Variants in NPC1 observed in about 807,000 individuals in gnomAD.
NPC1 encodes the protein NPC intracellular cholesterol transporter 1.
A neutral mutation model predicts 140.4 loss-of-function variants in NPC1; 85 were observed. That is an observed-to-expected ratio of 0.61 (90% CI 0.51 to 0.72). The LOEUF (loss-of-function observed/expected upper bound fraction) is 0.72. NPC1 is among the 30% of genes least tolerant of loss of function. The pLI is 0.00. For missense variants in NPC1, 1,504 were observed against 1,623.8 expected, an observed-to-expected ratio of 0.93 and a Z score of 1.27; for synonymous variants, 656 against 624.8, an observed-to-expected ratio of 1.05 and a Z score of -0.74.
Position 23,533,475 on chromosome 18 carries a change from C to A in NPC1, c.3634G>T (p.Val1212Leu), listed in dbSNP as rs753419933. The A allele has an allele frequency of 6.2e-7, 1 of 1,614,222 alleles. No individual in the cohort carries two copies. Among genetic ancestry groups the A allele is most frequent in the East Asian group, 2.2e-5 (1 of 44,888 alleles). The change falls in exon 24 of 25, where the codon GTG becomes TTG. Residue 1212 changes from valine to leucine, a missense_variant. By Grantham distance (32) the Val-to-Leu change is conservative. Coordinates refer to ENST00000269228, the MANE Select transcript of NPC1 (RefSeq NM_000271.5). ...ITLTKFGGIV[V>L]LAFAKSQIFQ... ...ATTTGAGATTTGGCAAAAGCCAACACCACAATCCCTCCAAATTTTGTAAGT... is the reference window on the plus strand; with the variant it reads ...ATTTGAGATTTGGCAAAAGCCAACAACACAATCCCTCCAAATTTTGTAAGT...
intron 4 of NPC1, among the ~76,000 whole-genome samples, chr18:23,565,388 G>A (rs1036452244): frequency 1.3e-5 from 2 of 151,944 alleles, no homozygotes; most frequent in African/African-American, 2.4e-5. Context: ...ATGGAGTCTC[G>A]CTCTGTCAGC....
chr18:23,542,080 T>G (rs1159742424), intron 14 of NPC1, among the ~76,000 whole-genome samples: 4 of 152,140 alleles, frequency 2.6e-5, no homozygotes, highest in South Asian at 2.1e-4. Flanking sequence ...TAGCACTGGG[T>G]TGGCCACACA....
At chr18:23,540,029 G>C (rs762709628) in intron 17 of NPC1, 28 bp from the exon 18 acceptor site, 27 of 1,580,230 alleles carry the variant, frequency 1.7e-5, no homozygotes, top group Non-Finnish European at 2.3e-5. Flanking sequence ...GAATAGGAGA[G>C]AGTGTGAACA....
At chr18:23,534,592 C>T in intron 22 of NPC1, 33 bp from the exon 23 acceptor site, 1 of 1,563,362 alleles carries the variant, frequency 6.4e-7, no homozygotes, top group Non-Finnish European at 8.8e-7. Context: ...GGATGGCTCT[C>T]TTCCTGTTGA....
rs756185917 is a variant in NPC1, at chr18:23,531,632, CTG to C, written c.*568_*569del. ...AAATCTCTTCCTTTCTAGGGGAACA[CTG>C]TGAAGAACATGTTGCTTTTTTCAAA... On this transcript the variant is annotated 3_prime_UTR_variant, in exon 25 of 25. Transcript: ENST00000269228. 3 of 1,613,048 alleles carry C rather than the reference CTG, an allele frequency of 1.9e-6. No homozygotes were observed. The Admixed American group carries it at 5.0e-5, about 27-fold the overall frequency.
intron 9 of NPC1, among the ~76,000 whole-genome samples, chr18:23,553,783 G>T (rs1157476453): frequency 6.6e-6 from 1 of 152,146 alleles, no homozygotes; most frequent in Non-Finnish European, 1.5e-5. Flanking sequence ...TTCCTGGGGT[G>T]ACTATTCCCA....
downstream of NPC1, chr18:23,524,305 C>T: frequency 6.8e-7 from 1 of 1,481,310 alleles, no homozygotes; most frequent in Non-Finnish European, 9.4e-7. Context: ...GCTTCCCTGA[C>T]TGTCCAGGGG....
At position 23,584,333 on chromosome 18, in the gene NPC1, C is replaced by T. The variant is rs1599030529; in HGVS notation, c.57+1954G>A. 3.3e-5 allele frequency among the ~76,000 whole-genome samples: 5 copies of T among 152,198 alleles called. No individual in the cohort carries two copies. In the South Asian group the frequency reaches 1.0e-3, roughly 31 times the overall value. On this transcript the variant is annotated intron_variant, in intron 1 of 24. Transcript: ENST00000269228. Reference sequence around the variant, plus strand: ...ACACTCTCTCTCCCAATCTGTTTGGCTTCATGGCTCCACCCCAATCTGTTC... The same window carrying T: ...ACACTCTCTCTCCCAATCTGTTTGGTTTCATGGCTCCACCCCAATCTGTTC...
At chr18:23,570,122 C>T (rs2059180182) in intron 3 of NPC1, among the ~76,000 whole-genome samples, 1 of 152,182 alleles carries the variant, frequency 6.6e-6, no homozygotes, top group South Asian at 2.1e-4. Context: ...TGCAACAAAG[C>T]CAGAAACCAC....
intron 3 of NPC1, chr18:23,516,446 TC>T: frequency 6.2e-7 from 1 of 1,606,290 alleles, no homozygotes; most frequent in Non-Finnish European, 8.5e-7. Context: ...CAGAGAGAAT[TC>T]CATCCTGTGA....
chr18:23,527,065 C>CA (rs2058318645), downstream of NPC1, among the ~76,000 whole-genome samples: 1 of 151,986 alleles, frequency 6.6e-6, no homozygotes, highest in Admixed American at 6.5e-5. Context: ...CCAAGCCACT[C>CA]ACTGCATATG....
intron 20 of NPC1, among the ~76,000 whole-genome samples, chr18:23,538,057 G>A (rs910377824): frequency 6.6e-5 from 10 of 152,188 alleles, no homozygotes; most frequent in African/African-American, 2.2e-4. Flanking sequence ...CTGCCTGGCT[G>A]GATGGGGGAG....
Position 23,575,769 on chromosome 18 carries a change from C to CAAAAAAAAAAA in NPC1, c.58-2206_58-2196dup, listed in dbSNP as rs35922440. The stretch of plus-strand genomic sequence containing the variant: ...CTTCTAGAGACACAGCAGAGAAGAC[C>CAAAAAAAAAAA]AAAAAAAAAAAAAAAAAAAAAAAAA... On this transcript the variant is annotated intron_variant, in intron 1 of 24. Coordinates refer to ENST00000269228, the MANE Select transcript of NPC1 (RefSeq NM_000271.5). 5.7e-3 allele frequency among the ~76,000 whole-genome samples: 199 copies of CAAAAAAAAAAA among 35,102 alleles called. 14 individuals are homozygous for CAAAAAAAAAAA. Among genetic ancestry groups the CAAAAAAAAAAA allele is most frequent in the African/African-American group, 0.015 (174 of 11,780 alleles). The allele number at this position is 35,102 out of a possible 152,430, so 23.0% of individuals were successfully genotyped here.
downstream of NPC1, chr18:23,530,362 C>A (rs1485902689): frequency 6.2e-7 from 1 of 1,613,876 alleles, no homozygotes; most frequent in African/African-American, 1.3e-5. Context: ...TTGCACTGAC[C>A]TGGACTTCTC....
intron 19 of NPC1, chr18:23,539,000 C>T (rs979181354): frequency 1.1e-5 from 5 of 449,340 alleles, no homozygotes; most frequent in African/African-American, 7.9e-5. Context: ...AACCTCGACG[C>T]TCCTACAAAA....
At chr18:23,545,482 A>G (rs1169530945) in intron 11 of NPC1, among the ~76,000 whole-genome samples, 3 of 152,156 alleles carry the variant, frequency 2.0e-5, no homozygotes, top group African/African-American at 7.2e-5. Flanking sequence ...ACCTCAAGTG[A>G]TCCACCTGCC....
chr18:23,539,552 TC>T, intron 18 of NPC1, 82 bp from the exon 19 acceptor site: 1 of 1,009,934 alleles, frequency 9.9e-7, no homozygotes, highest in Non-Finnish European at 1.5e-6. Context: ...AAACCTAACT[TC>T]CTTTTCTACG....
intron 20 of NPC1, among the ~76,000 whole-genome samples, chr18:23,537,621 T>C (rs1410832780): frequency 1.3e-5 from 2 of 152,132 alleles, no homozygotes; most frequent in African/African-American, 4.8e-5. Context: ...CACCTACTCA[T>C]AGGCTGCGTG....
At position 23,556,486 on chromosome 18, in the gene NPC1, A is replaced by T; in HGVS notation, c.1083T>A (p.Ile361=). Residue 361 remains isoleucine, a synonymous_variant, in exon 8 of 25, where the codon ATT becomes ATA. Transcript: ENST00000269228. The part of the protein sequence containing the change: ...GCVIFFSLVF[I]TACSSGLVFV... ...ACACCAGGCCTGACGAACACGCAGT[A>T]ATGAAGACCAGCGAGAAGAAAATGA... The T allele has an allele frequency of 6.2e-7, 1 of 1,614,182 alleles. No individual in the cohort carries two copies. Among genetic ancestry groups the T allele is most frequent in the Non-Finnish European group, 8.5e-7 (1 of 1,180,038 alleles).
Sources: gnomAD v4.1 joint callset for allele counts (sites outside exome capture counted in the v4.1 genomes callset) on GRCh38, gnomAD v4.1.1 for gene constraint, MANE v1.5 for transcripts, NCBI Gene and HGNC (gene_info 2026-07-23, HGNC 2026-07-21) for gene names.